The following DLGAP1 variants were observed in gnomAD, a reference collection of about 807,000 sequenced individuals.
The protein encoded by DLGAP1 is disks large-associated protein 1.
In DLGAP1, 11 loss-of-function variants were observed where a neutral mutation model predicts 90.8. The ratio of observed to expected loss-of-function variants is 0.12; its 90% CI spans 0.08 to 0.20. The LOEUF (loss-of-function observed/expected upper bound fraction) is 0.20, where lower values mean the gene tolerates loss of function less well. Ranked by LOEUF, DLGAP1 falls within the 10% of genes least tolerant of loss-of-function variation. The pLI is 1.00. For synonymous variants in DLGAP1, 558 were observed against 540.7 expected, an observed-to-expected ratio of 1.03 and a Z score of -0.44; for missense variants, 1,050 against 1,333.8, an observed-to-expected ratio of 0.79 and a Z score of 3.31.
chr18:3,747,887 A>G (rs1240676727), intron 5 of DLGAP1, among the ~76,000 whole-genome samples: 1 of 152,236 alleles, frequency 6.6e-6, no homozygotes, highest in East Asian at 1.9e-4. Context: ...GCCCTCCGCT[A>G]TCAATATAAA....
chr18:3,502,277 C>T (rs1442149400), intron 12 of DLGAP1: 2 of 1,336,580 alleles, frequency 1.5e-6, no homozygotes, highest in Admixed American at 7.3e-5. Flanking sequence ...TTTTCCAATT[C>T]ACAAAGACAG....
chr18:4,382,624 G>T (rs1278772563), intron 1 of DLGAP1, among the ~76,000 whole-genome samples: 2 of 151,524 alleles, frequency 1.3e-5, no homozygotes, highest in East Asian at 1.9e-4. Context: ...CCTATGTTTT[G>T]TATATCTCAG....
intron 5 of DLGAP1, among the ~76,000 whole-genome samples, chr18:3,794,833 C>G (rs1160934076): frequency 6.6e-6 from 1 of 152,202 alleles, no homozygotes; most frequent in Non-Finnish European, 1.5e-5. Context: ...TCTGGCTAAT[C>G]TGATAACATA....
intron 3 of DLGAP1, among the ~76,000 whole-genome samples, chr18:3,982,914 T>A (rs2073765707): frequency 6.6e-6 from 1 of 152,180 alleles, no homozygotes; most frequent in African/African-American, 2.4e-5. Flanking sequence ...TAAGTGTCAT[T>A]TTCTATAATT....
At chr18:3,516,080 G>A (rs1178886850) in intron 10 of DLGAP1, among the ~76,000 whole-genome samples, 1 of 152,128 alleles carries the variant, frequency 6.6e-6, no homozygotes, top group Non-Finnish European at 1.5e-5. Flanking sequence ...CTCCACTGAA[G>A]TCTTGAACCC....
intron 1 of DLGAP1, among the ~76,000 whole-genome samples, chr18:4,395,884 C>A (rs1016945063): frequency 6.6e-6 from 1 of 152,076 alleles, no homozygotes; most frequent in Non-Finnish European, 1.5e-5. Context: ...CTAAACCCCA[C>A]GATAAAGACA....
At chr18:3,860,396 C>T (rs936053676) in intron 4 of DLGAP1, among the ~76,000 whole-genome samples, 2 of 152,192 alleles carry the variant, frequency 1.3e-5, no homozygotes, top group African/African-American at 4.8e-5. Flanking sequence ...CATGTATTAA[C>T]ACAATTAATT....
intron 3 of DLGAP1, among the ~76,000 whole-genome samples, chr18:3,988,058 A>G (rs2073878527): frequency 6.6e-6 from 1 of 152,050 alleles, no homozygotes; most frequent in Admixed American, 6.6e-5. Flanking sequence ...ACTCACCATA[A>G]GGTAGAATCA....
At chr18:4,377,566 AT>A (rs1468306327) in intron 1 of DLGAP1, among the ~76,000 whole-genome samples, 1 of 152,186 alleles carries the variant, frequency 6.6e-6, no homozygotes, top group Non-Finnish European at 1.5e-5. Flanking sequence ...CTCCTTAGGA[AT>A]TTTAAATTAA....
intron 4 of DLGAP1, among the ~76,000 whole-genome samples, chr18:3,854,805 C>A (rs866226321): frequency 6.6e-6 from 1 of 152,194 alleles, no homozygotes; most frequent in African/African-American, 2.4e-5. Flanking sequence ...GGCAGCCTGA[C>A]ATGATTACCA....
chr18:3,822,132 G>A (rs535281773), intron 4 of DLGAP1: 82 of 400,246 alleles, frequency 2.0e-4, no homozygotes, highest in Admixed American at 9.0e-4. Flanking sequence ...CCTGGCAACC[G>A]CCCTTTCTTA....
At position 3,545,944 on chromosome 18, in the gene DLGAP1, G is replaced by T. The variant is rs181767167; in HGVS notation, c.2058-11329C>A. Reference sequence around the variant, plus strand: ...CCTAAACATTTATGAGTTTAATAAAGAATTTCTTAATACATAAAGCAAGCA... The same window carrying T: ...CCTAAACATTTATGAGTTTAATAAATAATTTCTTAATACATAAAGCAAGCA... On this transcript the variant is annotated intron_variant, in intron 9 of 12. Coordinates refer to ENST00000315677, the MANE Select transcript of DLGAP1 (RefSeq NM_004746.4). 2.5e-3 allele frequency among the ~76,000 whole-genome samples: 387 copies of T among 152,136 alleles called. 2 individuals carry two copies. Among genetic ancestry groups the T allele is most frequent in the African/African-American group, 8.7e-3 (360 of 41,522 alleles).
intron 7 of DLGAP1, among the ~76,000 whole-genome samples, chr18:3,605,180 A>C (rs1599495777): frequency 1.3e-5 from 2 of 151,998 alleles, no homozygotes; most frequent in African/African-American, 4.8e-5. Flanking sequence ...TAGTTATTCA[A>C]CCCATCAAGT....
intron 1 of DLGAP1, among the ~76,000 whole-genome samples, chr18:4,321,084 T>C (rs2080675617): frequency 6.6e-6 from 1 of 152,232 alleles, no homozygotes; most frequent in Non-Finnish European, 1.5e-5. Flanking sequence ...TTTTCTCATC[T>C]CTTAGTTTGA....
At chr18:3,765,117 C>CTTTTTTTTTTTTTTTT (rs921982904) in intron 5 of DLGAP1, among the ~76,000 whole-genome samples, 19 of 126,402 alleles carry the variant, frequency 1.5e-4, no homozygotes, top group East Asian at 2.9e-4. Context: ...CACTTGCAAA[C>CTTTTTTTTTTTTTTTT]TTTTTTTTTT....
intron 9 of DLGAP1, among the ~76,000 whole-genome samples, chr18:3,557,391 G>A (rs368629828): frequency 6.6e-6 from 1 of 152,072 alleles, no homozygotes; most frequent in Non-Finnish European, 1.5e-5. Flanking sequence ...GTGTGGTGGC[G>A]TGCCCTTGTA....
rs188546417 is a variant in DLGAP1, at chr18:3,624,530, T to C, written c.1592-42282A>G. ...CCTGGCCCTGCTGGCAGCTCATTTC[T>C]GCCGCGTCATTTTCTCTGAACTGTA... On this transcript the variant is annotated intron_variant, in intron 7 of 12. Coordinates refer to ENST00000315677, the MANE Select transcript of DLGAP1 (RefSeq NM_004746.4). Among the ~76,000 whole-genome samples, 14 of 152,338 alleles carry C rather than the reference T, an allele frequency of 9.2e-5. No individual in the cohort carries two copies. The East Asian group carries it at 2.5e-3, about 27-fold the overall frequency.
At position 3,502,604 on chromosome 18, in the gene DLGAP1, C is replaced by T. The variant is rs760284072; in HGVS notation, c.2613G>A (p.Ala871=). 26 of 1,613,966 alleles carry T rather than the reference C, an allele frequency of 1.6e-5. No homozygotes were observed. In the African/African-American group the frequency reaches 2.0e-4, roughly 12 times the overall value. Residue 871 remains alanine (A), a synonymous_variant, in exon 12 of 13, where the codon GCG becomes GCA. Transcript: ENST00000315677. ...AHPRPTSQDL[A]GFWDMLQLSI... The stretch of plus-strand genomic sequence containing the variant: ...ACAACTGCAGCATGTCCCAAAACCC[C>T]GCCAAATCCTGGGAGGTGGGTCTTG...
At position 3,664,183 on chromosome 18, in the gene DLGAP1, TACACAC is replaced by T. The variant is rs35653599; in HGVS notation, c.1591+64946_1591+64951del. Among the ~76,000 whole-genome samples the T allele has an allele frequency of 3.1e-3, 426 of 135,738 alleles. 2 individuals are homozygous for T. Among genetic ancestry groups the T allele is most frequent in the African/African-American group, 0.011 (372 of 34,764 alleles). The allele number at this position is 135,738 out of a possible 152,430, so 89.0% of individuals were successfully genotyped here. A position where few individuals can be genotyped will look rare whatever the true frequency, so the allele number is the denominator to read the frequency against. On this transcript the variant is annotated intron_variant, in intron 7 of 12. Coordinates refer to ENST00000315677, the MANE Select transcript of DLGAP1 (RefSeq NM_004746.4). The stretch of plus-strand genomic sequence containing the variant: ...CAGCCTCCATAATTATGGGTCAGTA[TACACAC>T]ACACACACACACACACACACACACA...
Sources: gnomAD v4.1 joint callset for allele counts (sites outside exome capture counted in the v4.1 genomes callset) on GRCh38, gnomAD v4.1.1 for gene constraint, MANE v1.5 for transcripts, NCBI Gene and HGNC (gene_info 2026-07-23, HGNC 2026-07-21) for gene names.